Variants in OSBP observed in about 807,000 individuals in gnomAD.
OSBP encodes the protein oxysterol-binding protein 1.
A neutral mutation model predicts 96.6 loss-of-function variants in OSBP; 32 were observed. That is an observed-to-expected ratio of 0.33 (90% confidence interval 0.25 to 0.45). The LOEUF (loss-of-function observed/expected upper bound fraction) is 0.45, where lower values mean the gene tolerates loss of function less well. Among genes scored for constraint, OSBP ranks in the 20% least tolerant of loss-of-function variants. OSBP has a pLI of 1.00. For missense variants in OSBP, 653 were observed against 1,029.7 expected, an observed-to-expected ratio of 0.63 and a Z score of 5.01; for synonymous variants, 369 against 389.6, an observed-to-expected ratio of 0.95 and a Z score of 0.62.
intron 11 of OSBP, among the ~76,000 whole-genome samples, chr11:59,578,987 T>C (rs890298127): frequency 3.3e-5 from 5 of 152,218 alleles, no homozygotes; most frequent in Non-Finnish European, 7.3e-5. Context: ...TTGACTGTAG[T>C]CACCCTGTTG....
intron 2 of OSBP, among the ~76,000 whole-genome samples, chr11:59,609,485 G>GAA (rs1031021294): frequency 1.0e-5 from 1 of 98,302 alleles, no homozygotes; most frequent in Non-Finnish European, 2.2e-5. Flanking sequence ...CTAAAAGCAA[G>GAA]AAAAAAAAAA....
chr11:59,610,876 G>A lies in OSBP; in HGVS notation c.363-287C>T, dbSNP rs550955142. Among the ~76,000 whole-genome samples the A allele has an allele frequency of 2.7e-4, 40 of 147,346 alleles. No individual in the cohort carries two copies. In the East Asian group the frequency reaches 6.8e-3, roughly 25 times the overall value. On this transcript the variant is annotated intron_variant, in intron 1 of 13. Transcript: ENST00000263847. ...AATAGGCTTTACAGGCCGGGCACCC[G>A]TAATCCCAGCACTTTGGGAGGCCAA...
Position 59,593,620 on chromosome 11 carries a change from G to A in OSBP, c.1662C>T (p.Leu554=). The stretch of plus-strand genomic sequence containing the variant: ...TAACCTTACCGAGGGGCATAATGGA[G>A]AGGTATTTGCCTCGAAACTTGCTGG... ...KITSKFRGKY[L]SIMPLGTIHC... The change falls in exon 9 of 14, where the codon CTC becomes CTT. Residue 554 remains leucine (L), a synonymous_variant. Transcript: ENST00000263847. 1 of 1,614,008 alleles carries A rather than the reference G, an allele frequency of 6.2e-7. No homozygotes were observed. Among genetic ancestry groups the A allele is most frequent in the Non-Finnish European group, 8.5e-7 (1 of 1,179,936 alleles).
At chr11:59,585,387 A>AC (rs551419529) in intron 9 of OSBP, among the ~76,000 whole-genome samples, 144,344 of 144,438 alleles carry the variant, frequency 1, 72,125 homozygotes, top group Admixed American at 1. Context: ...AAGTGAGGAG[A>AC]CCTCGCCCGG....
chr11:59,612,444 G>C (rs545256873), intron 1 of OSBP, among the ~76,000 whole-genome samples: 26 of 152,272 alleles, frequency 1.7e-4, no homozygotes, highest in Admixed American at 1.6e-3. Flanking sequence ...CCTTATTGGA[G>C]CTTTTTGGAA....
intron 1 of OSBP, among the ~76,000 whole-genome samples, chr11:59,611,371 T>C (rs538592750): frequency 1.4e-4 from 21 of 152,294 alleles, no homozygotes; most frequent in Admixed American, 1.1e-3. Flanking sequence ...CAAGTTGTAA[T>C]TATAAATTGC....
chr11:59,598,879 C>T (rs749697015), intron 7 of OSBP, among the ~76,000 whole-genome samples: 2 of 152,192 alleles, frequency 1.3e-5, no homozygotes, highest in Admixed American at 6.5e-5. Flanking sequence ...CATGAGCCAC[C>T]GCACCCAGCC....
intron 10 of OSBP, among the ~76,000 whole-genome samples, chr11:59,581,167 T>G (rs1011858890): frequency 2.0e-5 from 3 of 151,876 alleles, no homozygotes; most frequent in Non-Finnish European, 4.4e-5. Flanking sequence ...GGATTAAGAG[T>G]TGGGGCCACG....
At chr11:59,605,020 G>T (rs1011248674) in intron 3 of OSBP, among the ~76,000 whole-genome samples, 22 of 149,088 alleles carry the variant, frequency 1.5e-4, no homozygotes, top group African/African-American at 4.7e-4. Flanking sequence ...GGGTGTGGTA[G>T]TGTGCGCCTG....
At chr11:59,599,538 G>C (rs1160362621) in intron 7 of OSBP, among the ~76,000 whole-genome samples, 1 of 152,078 alleles carries the variant, frequency 6.6e-6, no homozygotes, top group African/African-American at 2.4e-5. Flanking sequence ...TAGGCACCCA[G>C]AAAATGCTTG....
chr11:59,585,092 T>C (rs1367327103), intron 9 of OSBP, among the ~76,000 whole-genome samples: 7 of 134,508 alleles, frequency 5.2e-5, no homozygotes, highest in East Asian at 4.8e-4. Context: ...TCTGCCTGGC[T>C]GCCCATCGTC....
In OSBP at chr11:59,608,643, C is replaced by T; in HGVS notation, c.663G>A (p.Leu221=). 6.2e-7 allele frequency: 1 copy of T among 1,614,172 alleles called. No homozygotes were observed. The highest frequency in any genetic ancestry group is 8.5e-7 in the Non-Finnish European group (1 of 1,180,016). ...LRTLSSKVED[L]STCNDLIAKH... is the part of the protein sequence containing the mutation. ...TAGCTATCAAGTCATTGCACGTGCT[C>T]AAGTCCTCTACTTTGCTAGAGAGGG... Residue 221 remains leucine, a synonymous_variant, in exon 3 of 14, where the codon TTG becomes TTA. Coordinates refer to ENST00000263847, the MANE Select transcript of OSBP (RefSeq NM_002556.3).
chr11:59,615,742 C>A lies in OSBP; in HGVS notation c.-78G>T, dbSNP rs1139126. The A allele has an allele frequency of 4.9e-6, 6 of 1,230,690 alleles. No homozygotes were observed. The highest frequency in any genetic ancestry group is 4.4e-5 in the Admixed American group (1 of 22,974). 76.2% of individuals were successfully genotyped at this position (1,230,690 alleles called of 1,614,324 possible). On this transcript the variant is annotated 5_prime_UTR_variant, in exon 1 of 14. It removes the in-frame stop codon of an upstream open reading frame in the 5' UTR. Coordinates refer to ENST00000263847, the MANE Select transcript of OSBP (RefSeq NM_002556.3). ...TCGCCGCCCGGAGCGCCCCACACGG[C>A]TACCGCATCAGCCACCGCCGCGCAG...
At chr11:59,613,241 A>G (rs1401368283) in intron 1 of OSBP, among the ~76,000 whole-genome samples, 1 of 152,230 alleles carries the variant, frequency 6.6e-6, no homozygotes, top group Non-Finnish European at 1.5e-5. Flanking sequence ...TAAGTTGACT[A>G]GGGCAGGCCT....
intron 9 of OSBP, among the ~76,000 whole-genome samples, chr11:59,591,237 A>G (rs957487244): frequency 2.0e-5 from 3 of 152,154 alleles, no homozygotes; most frequent in Non-Finnish European, 4.4e-5. Flanking sequence ...TAAAAATTAG[A>G]AAAAAAATTA....
intron 1 of OSBP, among the ~76,000 whole-genome samples, chr11:59,613,631 G>GA (rs1860882222): frequency 6.6e-6 from 1 of 152,138 alleles, no homozygotes; most frequent in Non-Finnish European, 1.5e-5. Context: ...TTGAATGAGA[G>GA]AAAAATCTGG....
At chr11:59,593,754 G>T in intron 8 of OSBP, 30 bp from the exon 9 acceptor site, 1 of 1,612,078 alleles carries the variant, frequency 6.2e-7, no homozygotes, top group South Asian at 1.1e-5. Flanking sequence ...AATTAAGACG[G>T]CAGAAAGGAG....
In OSBP at chr11:59,575,264, A is replaced by G. The variant is rs1476088547; in HGVS notation, c.*1313T>C. ...GAAAGAGGTTAGGATTTCATTTTCA[A>G]GAGTCAGCTAATTAGGAGAGCAGAG... is the stretch of plus-strand genomic sequence containing the variant. On this transcript the variant is annotated 3_prime_UTR_variant, in exon 14 of 14. Transcript: ENST00000263847. 6.6e-6 allele frequency: 1 copy of G among 152,226 alleles called. No individual in the cohort carries two copies. Among genetic ancestry groups the G allele is most frequent in the East Asian group, 1.9e-4 (1 of 5,202 alleles). 9.4% of individuals were successfully genotyped at this position (152,226 alleles called of 1,614,324 possible). A position where few individuals can be genotyped will look rare whatever the true frequency, so the allele number is the denominator to read the frequency against.
chr11:59,579,592 T>C (rs1860396862), intron 11 of OSBP, among the ~76,000 whole-genome samples: 2 of 151,632 alleles, frequency 1.3e-5, no homozygotes, highest in African/African-American at 2.4e-5. Context: ...CTCCACCGTG[T>C]TTCCCATTGT....
Sources: allele counts gnomAD v4.1 joint callset (sites outside exome capture counted in the v4.1 genomes callset), GRCh38; gene constraint gnomAD v4.1.1; transcripts MANE v1.5; gene names NCBI Gene and HGNC (gene_info 2026-07-23, HGNC 2026-07-21).